The following INTS8 variants were observed in gnomAD, a reference collection of about 807,000 sequenced individuals.
INTS8 encodes the protein integrator complex subunit 8.
A neutral mutation model predicts 138.9 loss-of-function variants in INTS8; 47 were observed. The ratio of observed to expected loss-of-function variants is 0.34; its 90% CI spans 0.27 to 0.43. The LOEUF is 0.43. Ranked by LOEUF, INTS8 falls within the 20% of genes least tolerant of loss-of-function variation. INTS8 has a pLI of 1.00. For synonymous variants in INTS8, 392 were observed against 400.9 expected (o/e 0.98, Z 0.27); for missense variants, 996 against 1,173.0 (o/e 0.85, Z 2.20).
At chr8:94,858,644 GT>G (rs1439704147) in intron 15 of INTS8, among the ~76,000 whole-genome samples, 8 of 152,158 alleles carry the variant, frequency 5.3e-5, no homozygotes, top group Non-Finnish European at 8.8e-5. Context: ...AGTAGCTACT[GT>G]TTCCTTATCC....
At chr8:94,878,126 A>G (rs1816629313) in intron 26 of INTS8, among the ~76,000 whole-genome samples, 1 of 152,032 alleles carries the variant, frequency 6.6e-6, no homozygotes, top group African/African-American at 2.4e-5. Context: ...TAAGTCCAGA[A>G]ACTTACGTGT....
intron 2 of INTS8, among the ~76,000 whole-genome samples, chr8:94,826,475 G>A (rs77737356): frequency 6.9e-4 from 105 of 152,210 alleles, no homozygotes; most frequent in African/African-American, 2.5e-3. Flanking sequence ...GAAGCTATAC[G>A]TTATAGACTG....
chr8:94,873,787 C>G (rs74359779), intron 22 of INTS8: 10,520 of 202,002 alleles, frequency 0.052, 351 homozygotes, highest in Middle Eastern at 0.072. Context: ...AACAAAAAAC[C>G]TGCAAAATAC....
At chr8:94,849,243 A>ACT (rs1414675660) in intron 10 of INTS8, among the ~76,000 whole-genome samples, 1 of 152,164 alleles carries the variant, frequency 6.6e-6, no homozygotes, top group Non-Finnish European at 1.5e-5. Flanking sequence ...TGCTACATGT[A>ACT]TACACCTGCA....
At position 94,881,085 on chromosome 8, in the gene INTS8, T is replaced by G. The variant is rs1157602613; in HGVS notation, c.*851T>G. On this transcript the variant is annotated 3_prime_UTR_variant, in exon 27 of 27. Coordinates refer to ENST00000523731, the MANE Select transcript of INTS8 (RefSeq NM_017864.4). ...ATTTCACCATTTGTAGAAATTCAAG[T>G]TTTATAATAGCTTGCTATAGCAGCT... 6 of 397,450 alleles carry G rather than the reference T, an allele frequency of 1.5e-5. No individual in the cohort carries two copies. The highest frequency in any genetic ancestry group is 1.2e-4 in the African/African-American group (6 of 48,628). 24.6% of individuals were successfully genotyped at this position (397,450 alleles called of 1,614,324 possible).
rs1816805962 is a variant in INTS8 at position 94,881,443 on chromosome 8, T to C, written c.*1209T>C. On this transcript the variant is annotated 3_prime_UTR_variant, in exon 27 of 27. Coordinates refer to ENST00000523731, the MANE Select transcript of INTS8 (RefSeq NM_017864.4). ...CAAGTCCTGCTGTTTCTTTAACAGC[T>C]AACATAGGAAATAATTAAATGTATT... is the stretch of plus-strand genomic sequence containing the variant. 1 of 583,466 alleles carries C rather than the reference T, an allele frequency of 1.7e-6. No homozygotes were observed. The allele number at this position is 583,466 out of a possible 1,614,324, so 36.1% of individuals were successfully genotyped here.
intron 13 of INTS8, 64 bp from the exon 14 acceptor site, chr8:94,853,741 A>G (rs1815638403): frequency 5.9e-6 from 5 of 852,564 alleles, no homozygotes; most frequent in South Asian, 4.6e-5. Context: ...TTGTTGAAAG[A>G]TTCTTATCTA....
chr8:94,868,515 A>G (rs1816265651), intron 20 of INTS8, among the ~76,000 whole-genome samples: 1 of 152,206 alleles, frequency 6.6e-6, no homozygotes, highest in African/African-American at 2.4e-5. Context: ...TTGTTTCCCA[A>G]GGGAGCACCA....
In INTS8 at chr8:94,876,971, A is replaced by C. The variant is rs75502180; in HGVS notation, c.2871+482A>C. The stretch of plus-strand genomic sequence containing the variant: ...TTTCCTGATCATCTTATAAAGTAAC[A>C]ATTTCTGCTTCCCTTTTCCCTCCAG... On this transcript the variant is annotated intron_variant, in intron 26 of 26. Coordinates refer to ENST00000523731, the MANE Select transcript of INTS8 (RefSeq NM_017864.4). Among the ~76,000 whole-genome samples, 1,105 of 152,212 alleles carry C rather than the reference A, an allele frequency of 7.3e-3. 6 individuals are homozygous for C. Among genetic ancestry groups the C allele is most frequent in the African/African-American group, 0.025 (1,053 of 41,512 alleles).
intron 10 of INTS8, 44 bp downstream of exon 10, chr8:94,842,532 T>A: frequency 1.3e-6 from 2 of 1,524,420 alleles, no homozygotes; most frequent in Non-Finnish European, 1.8e-6. Context: ...TAATTTGCTT[T>A]AAGCTTACCA....
rs1256806226 is a variant in INTS8 at position 94,823,371 on chromosome 8, G to T, written c.-61G>T. 7.3e-6 allele frequency: 11 copies of T among 1,502,644 alleles called. No individual in the cohort carries two copies. The highest frequency in any genetic ancestry group is 9.7e-6 in the Non-Finnish European group (11 of 1,128,894). The allele number at this position is 1,502,644 out of a possible 1,614,324, so 93.1% of individuals were successfully genotyped here. A position where few individuals can be genotyped will look rare whatever the true frequency, so the allele number is the denominator to read the frequency against. On this transcript the variant is annotated 5_prime_UTR_variant, in exon 1 of 27. Coordinates refer to ENST00000523731, the MANE Select transcript of INTS8 (RefSeq NM_017864.4). ...TTCCGCATACCCCAGGCACCGGCCC[G>T]CATCCAAGTGTCAGGTTGGAGCCGG...
intron 16 of INTS8, among the ~76,000 whole-genome samples, chr8:94,863,203 C>G (rs1816058032): frequency 6.6e-6 from 1 of 152,140 alleles, no homozygotes; most frequent in African/African-American, 2.4e-5. Context: ...TAGGCTAAAA[C>G]CTTAGGTTGT....
rs1815879753 is a variant in INTS8, at chr8:94,859,633, GTAGTTAATGTTTAAATAAAAGGA to G, written c.2076+3_2076+25del. The stretch of plus-strand genomic sequence containing the variant: ...GCTTCAGAGTAATCCATATGTAAAG[GTAGTTAATGTTTAAATAAAAGGA>G]TTGTTAGGATGGTATTATTATACTT... On this transcript the variant is annotated splice_donor_variant and splice_donor_5th_base_variant and intron_variant, in intron 16 of 26. Coordinates refer to ENST00000523731, the MANE Select transcript of INTS8 (RefSeq NM_017864.4). LOFTEE classifies it high-confidence loss of function. 6.2e-7 allele frequency: 1 copy of G among 1,603,864 alleles called. No homozygotes were observed. The highest frequency in any genetic ancestry group is 1.1e-5 in the South Asian group (1 of 90,722).
At position 94,831,977 on chromosome 8, in the gene INTS8, TATTG is replaced by T. The variant is rs758156365; in HGVS notation, c.571-11_571-8del. On this transcript the variant is annotated splice_polypyrimidine_tract_variant and intron_variant, in intron 5 of 26. Transcript: ENST00000523731. ...TGCTATTTTTGTATTTTTATTTGTTTATTGATTTCTGTAGCTCAAAGAACAAGCT... is the reference window on the plus strand; with the variant it reads ...TGCTATTTTTGTATTTTTATTTGTTTATTTCTGTAGCTCAAAGAACAAGCT... 52 of 1,565,348 alleles carry T rather than the reference TATTG, an allele frequency of 3.3e-5. No individual in the cohort carries two copies. In the South Asian group the frequency reaches 6.2e-4, roughly 19 times the overall value.
intron 7 of INTS8, among the ~76,000 whole-genome samples, chr8:94,838,201 G>A (rs1332832756): frequency 1.3e-5 from 2 of 151,816 alleles, no homozygotes; most frequent in African/African-American, 4.8e-5. Context: ...ACAGGTGCCC[G>A]CCACCATGCC....
At chr8:94,827,686 A>G (rs1305980458) in intron 3 of INTS8, 36 bp from the exon 4 acceptor site, 1 of 1,505,332 alleles carries the variant, frequency 6.6e-7, no homozygotes, top group African/African-American at 1.4e-5. Flanking sequence ...GACATTTATA[A>G]TGTATGAAAT....
At chr8:94,857,098 A>C in intron 15 of INTS8, 120 bp downstream of exon 15, 8 of 695,868 alleles carry the variant, frequency 1.1e-5, no homozygotes, top group Non-Finnish European at 1.8e-5. Flanking sequence ...TTTGAGATGG[A>C]GTGTAGCTCT....
rs913600515 is a variant in INTS8, at chr8:94,825,678, A to G, written c.305+611A>G. 6.6e-5 allele frequency among the ~76,000 whole-genome samples: 10 copies of G among 152,252 alleles called. No individual in the cohort carries two copies. The South Asian group carries it at 1.9e-3, about 28-fold the overall frequency. ...TCACTATCTCCTATTAAAACAGCTG[A>G]TTAGAGTCAGTGCTTATTTGCTTAA... is the stretch of plus-strand genomic sequence containing the variant. On this transcript the variant is annotated intron_variant, in intron 2 of 26. Coordinates refer to ENST00000523731, the MANE Select transcript of INTS8 (RefSeq NM_017864.4).
At position 94,828,999 on chromosome 8, in the gene INTS8, A is replaced by G; in HGVS notation, c.543A>G (p.Lys181=). The part of the protein sequence containing the change: ...LSVMNQMQQE[K]ELTENILKVL... Reference sequence around the variant, plus strand: ...GTATGAATCAAATGCAACAGGAAAAAGAGCTAACAGAAAACATTTTGAAAG... The same window carrying G: ...GTATGAATCAAATGCAACAGGAAAAGGAGCTAACAGAAAACATTTTGAAAG... Residue 181 remains lysine, a synonymous_variant, in exon 5 of 27, where the codon AAA becomes AAG. Transcript: ENST00000523731. 6.3e-7 allele frequency: 1 copy of G among 1,597,792 alleles called. No individual in the cohort carries two copies.
Sources: gnomAD v4.1 joint callset for allele counts (sites outside exome capture counted in the v4.1 genomes callset) on GRCh38, gnomAD v4.1.1 for gene constraint, MANE v1.5 for transcripts, NCBI Gene and HGNC (gene_info 2026-07-23, HGNC 2026-07-21) for gene names.